The following HORMAD1 variants were observed in gnomAD, a reference collection of about 807,000 sequenced individuals.
The protein encoded by HORMAD1 is HORMA domain containing 1.
Under a neutral mutation model 58.2 loss-of-function variants are expected in HORMAD1, and 33 were observed. The ratio of observed to expected loss-of-function variants is 0.57; its 90% CI spans 0.43 to 0.76. The LOEUF is 0.76. Among genes scored for constraint, HORMAD1 ranks in the 30% least tolerant of loss-of-function variants. The pLI, the probability that HORMAD1 is intolerant of heterozygous loss-of-function variation, is 0.00. For synonymous variants in HORMAD1, 137 were observed against 144.6 expected (o/e 0.95, Z 0.38); for missense variants, 363 against 462.0 (o/e 0.79, Z 1.96).
chr1:150,705,402 G>A (rs1258176341), intron 10 of HORMAD1, among the ~76,000 whole-genome samples: 1 of 152,030 alleles, frequency 6.6e-6, no homozygotes, highest in African/African-American at 2.4e-5. Flanking sequence ...GCACATGCCT[G>A]TAATCCCAGC....
chr1:150,714,808 C>T (rs1447411863), intron 3 of HORMAD1, 130 bp from the exon 4 acceptor site: 1 of 406,252 alleles, frequency 2.5e-6, no homozygotes, highest in African/African-American at 2.1e-5. Context: ...TATTTTGAGA[C>T]AGGGTCTCAC....
In HORMAD1 at chr1:150,705,926, A is replaced by G. The variant is rs11204706; in HGVS notation, c.804+627T>C. ...TTAAAGGACATAATGTTAATGCTTG[A>G]AAGATTAAAGCAATAATGACTTCCA... On this transcript the variant is annotated intron_variant, in intron 10 of 14. Transcript: ENST00000361824. Among the ~76,000 whole-genome samples, 662 of 152,334 alleles carry G rather than the reference A, an allele frequency of 4.3e-3. 5 individuals are homozygous for G. Among genetic ancestry groups the G allele is most frequent in the African/African-American group, 0.015 (617 of 41,574 alleles).
intron 5 of HORMAD1, 69 bp from the exon 6 acceptor site, chr1:150,711,922 G>T: frequency 1.9e-6 from 2 of 1,052,548 alleles, no homozygotes; most frequent in South Asian, 1.4e-5. Flanking sequence ...CGAATCATAA[G>T]AATTCTTTGT....
At chr1:150,714,927 A>G (rs1002914083) in intron 3 of HORMAD1, among the ~76,000 whole-genome samples, 39 of 151,836 alleles carry the variant, frequency 2.6e-4, no homozygotes, top group Non-Finnish European at 8.8e-5. Flanking sequence ...CTGGGACTTC[A>G]GGTGCGCCAC....
In HORMAD1 at chr1:150,704,328, C is replaced by G. The variant is rs1298873857; in HGVS notation, c.820G>C (p.Glu274Gln). Reference sequence around the variant, plus strand: ...TTTTCCTGTTCTTCCATTTTAGTTTCAATGTCCAAATCATCCTACATAATT... The same window carrying G: ...TTTTCCTGTTCTTCCATTTTAGTTTGAATGTCCAAATCATCCTACATAATT... ...EHYTSDDLDI[E>Q]TKMEEQEKNP... Residue 274 changes from glutamate (E) to glutamine (Q), a missense_variant, in exon 11 of 15, where the codon GAA becomes CAA. Transcript: ENST00000361824. The G allele has an allele frequency of 6.3e-7, 1 of 1,579,920 alleles. No homozygotes were observed. The highest frequency in any genetic ancestry group is 8.6e-7 in the Non-Finnish European group (1 of 1,164,584).
intron 10 of HORMAD1, among the ~76,000 whole-genome samples, 157 bp from the exon 11 acceptor site, chr1:150,704,500 C>T (rs1651630812): frequency 6.6e-6 from 1 of 152,052 alleles, no homozygotes. Flanking sequence ...ATTACTAGCA[C>T]TTTGGAAGGC....
At position 150,706,663 on chromosome 1, in the gene HORMAD1, G is replaced by C. The variant is rs150156011; in HGVS notation, c.694C>G (p.Arg232Gly). Residue 232 changes from arginine to glycine, a missense_variant, in exon 10 of 15, where the codon CGA becomes GGA. By Grantham distance (125) the Arg-to-Gly change is moderately radical (BLOSUM62 -2). This residue lies in a region of HORMAD1 where 226 missense variants were observed against 257.8 expected (regional missense o/e 0.88). Transcript: ENST00000361824. ...FKVKVTTERERMENIDSTILS... is the reference protein window; with the variant it reads ...FKVKVTTEREGMENIDSTILS... ...ATAGTTGAGTCAATATTTTCCATTC[G>C]TTCTCTCTCAGTGGTCACTTTTACT... 2.5e-6 allele frequency: 4 copies of C among 1,613,262 alleles called. No homozygotes were observed. Among genetic ancestry groups the C allele is most frequent in the Non-Finnish European group, 3.4e-6 (4 of 1,179,736 alleles).
chr1:150,704,205 A>G lies in HORMAD1; in HGVS notation c.872-11T>C. 6.3e-7 allele frequency: 1 copy of G among 1,577,578 alleles called. No individual in the cohort carries two copies. Among genetic ancestry groups the G allele is most frequent in the Admixed American group, 1.9e-5 (1 of 52,436 alleles). On this transcript the variant is annotated splice_polypyrimidine_tract_variant and intron_variant, in intron 11 of 14. Transcript: ENST00000361824. The stretch of plus-strand genomic sequence containing the variant: ...AAACTAAACTTGGTTCTGTAAAAAA[A>G]AAAAAAAAAAGTTACCCGGGTATAA...
At chr1:150,707,749 A>T (rs2101861218) in intron 9 of HORMAD1, among the ~76,000 whole-genome samples, 1 of 152,322 alleles carries the variant, frequency 6.6e-6, no homozygotes, top group South Asian at 2.1e-4. Context: ...TAGCCTGGCC[A>T]ACACGGTGAA....
At chr1:150,702,283 C>T (rs587715005) in intron 13 of HORMAD1, among the ~76,000 whole-genome samples, 8 of 152,086 alleles carry the variant, frequency 5.3e-5, no homozygotes, top group Non-Finnish European at 7.4e-5. Context: ...CAGATGCTGA[C>T]GAGGCTATGG....
rs747617638 is a variant in HORMAD1, at chr1:150,714,664, T to C, written c.193A>G (p.Ile65Val). The C allele has an allele frequency of 6.6e-7, 1 of 1,508,168 alleles. No homozygotes were observed. The highest frequency in any genetic ancestry group is 1.9e-5 in the Admixed American group (1 of 54,004). The allele number at this position is 1,508,168 out of a possible 1,614,324, so 93.4% of individuals were successfully genotyped here. ...TRYLDDLCVK[I>V]LREDKNCPGS... is the part of the protein sequence containing the mutation. ...GGGCAATTTTTATCTTCTCTCAGTATTTTGACACAAAGATCTAAACACAAA... is the reference window on the plus strand; with the variant it reads ...GGGCAATTTTTATCTTCTCTCAGTACTTTGACACAAAGATCTAAACACAAA... Residue 65 changes from isoleucine (I) to valine (V), a missense_variant, in exon 4 of 15, where the codon ATA (isoleucine) becomes GTA (valine). This residue lies in a region of HORMAD1 where 128 missense variants were observed against 171.8 expected (regional missense o/e 0.74). Transcript: ENST00000361824.
At chr1:150,703,017 T>A (rs959531361) in intron 13 of HORMAD1, among the ~76,000 whole-genome samples, 2 of 152,230 alleles carry the variant, frequency 1.3e-5, no homozygotes, top group Non-Finnish European at 2.9e-5. Context: ...CCCGGATCCC[T>A]CTCTTTAATA....
At chr1:150,715,581 GTAT>G (rs768294654) in intron 3 of HORMAD1, among the ~76,000 whole-genome samples, 6 of 151,944 alleles carry the variant, frequency 3.9e-5, no homozygotes, top group Non-Finnish European at 7.4e-5. Flanking sequence ...TAAACTGGCT[GTAT>G]TATTATTATT....
intron 13 of HORMAD1, among the ~76,000 whole-genome samples, chr1:150,702,404 C>T (rs1044244442): frequency 2.6e-5 from 4 of 152,144 alleles, no homozygotes; most frequent in Non-Finnish European, 4.4e-5. Context: ...CCATTTGTCC[C>T]AGTAATCCCA....
At chr1:150,704,410 G>GC in intron 10 of HORMAD1, 67 bp from the exon 11 acceptor site, 1 of 1,009,100 alleles carries the variant, frequency 9.9e-7, no homozygotes, top group Non-Finnish European at 1.5e-6. Context: ...TGAGCAGAAA[G>GC]CATTTATGAA....
chr1:150,714,201 C>T (rs1287632587), intron 4 of HORMAD1, 80 bp from the exon 5 acceptor site: 3 of 856,574 alleles, frequency 3.5e-6, no homozygotes, highest in Non-Finnish European at 5.6e-6. Context: ...TCCATATTAT[C>T]TCATTACTAA....
chr1:150,714,609 A>G lies in HORMAD1; in HGVS notation c.242+6T>C. 7.1e-7 allele frequency: 1 copy of G among 1,405,336 alleles called. No individual in the cohort carries two copies. Among genetic ancestry groups the G allele is most frequent in the Non-Finnish European group, 9.7e-7 (1 of 1,030,174 alleles). The allele number at this position is 1,405,336 out of a possible 1,614,324, so 87.1% of individuals were successfully genotyped here. On this transcript the variant is annotated splice_donor_region_variant and intron_variant, in intron 4 of 14. Coordinates refer to ENST00000361824, the MANE Select transcript of HORMAD1 (RefSeq NM_032132.5). ...ATTTTCTCTCTTTAGGTATTCTTTT[A>G]CTTGCCATTTCACTAACTGTGTAGA...
intron 12 of HORMAD1, among the ~76,000 whole-genome samples, chr1:150,703,720 T>C (rs1051635349): frequency 4.6e-5 from 7 of 152,212 alleles, no homozygotes; most frequent in Non-Finnish European, 7.4e-5. Context: ...AATCATATTT[T>C]TTCCAAGTTC....
At chr1:150,714,041 C>T (rs1651986953) in intron 5 of HORMAD1, 44 bp downstream of exon 5, 1 of 1,212,666 alleles carries the variant, frequency 8.2e-7, no homozygotes, top group Non-Finnish European at 1.2e-6. Flanking sequence ...ATTTGTAGAT[C>T]ATAAACTGTA....
Sources: gnomAD v4.1 joint callset for allele counts (sites outside exome capture counted in the v4.1 genomes callset) on GRCh38, gnomAD v4.1.1 for gene constraint, gnomAD v4.1.1 regional missense constraint, MANE v1.5 for transcripts, NCBI Gene and HGNC (gene_info 2026-07-23, HGNC 2026-07-21) for gene names.